The following TMEM167A variants were observed in gnomAD, a reference collection of about 807,000 sequenced individuals.
The protein encoded by TMEM167A is transmembrane protein 167A.
A neutral mutation model predicts 11.6 loss-of-function variants in TMEM167A; 8 were observed. The ratio of observed to expected loss-of-function variants is 0.69; its 90% confidence interval spans 0.40 to 1.24. The LOEUF (loss-of-function observed/expected upper bound fraction) is 1.24. Among genes scored for constraint, TMEM167A ranks in the 50% most tolerant of loss-of-function variants. The probability of loss-of-function intolerance (pLI) is 0.01; values close to 1 mark genes in which losing one functional copy is unlikely to be tolerated. For missense variants in TMEM167A, 62 were observed against 87.0 expected, an observed-to-expected ratio of 0.71 and a Z score of 1.14; for synonymous variants, 22 against 28.0, an observed-to-expected ratio of 0.79 and a Z score of 0.67.
Position 83,054,945 on chromosome 5 carries a change from G to A in TMEM167A, c.*2139C>T, listed in dbSNP as rs959202270. 1.3e-5 allele frequency: 2 copies of A among 151,800 alleles called. No homozygotes were observed. Among genetic ancestry groups the A allele is most frequent in the Non-Finnish European group, 2.9e-5 (2 of 67,886 alleles). 9.4% of individuals were successfully genotyped at this position (151,800 alleles called of 1,614,324 possible). ...AAGAGAAATATCTCAATATTCTGTG[G>A]GCTTAAAACCACCTACACTGCCCCT... is the stretch of plus-strand genomic sequence containing the variant. On this transcript the variant is annotated 3_prime_UTR_variant, in exon 4 of 4. Transcript: ENST00000502346.
At position 83,054,603 on chromosome 5, in the gene TMEM167A, T is replaced by C. The variant is rs953703087; in HGVS notation, c.*2481A>G. 2 of 151,860 alleles carry C rather than the reference T, an allele frequency of 1.3e-5. No individual in the cohort carries two copies. The highest frequency in any genetic ancestry group is 4.8e-5 in the African/African-American group (2 of 41,356). The allele number at this position is 151,860 out of a possible 1,614,324, so 9.4% of individuals were successfully genotyped here. A position where few individuals can be genotyped will look rare whatever the true frequency, so the allele number is the denominator to read the frequency against. On this transcript the variant is annotated 3_prime_UTR_variant, in exon 4 of 4. Coordinates refer to ENST00000502346, the MANE Select transcript of TMEM167A (RefSeq NM_174909.5). ...AACACAGAACAGAAAACCAAATACA[T>C]GTTCTCATTTAGAAGTAGGAGCTAA... is the stretch of plus-strand genomic sequence containing the variant.
intron 3 of TMEM167A, among the ~76,000 whole-genome samples, chr5:83,059,166 C>CAAAA (rs369393831): frequency 1.7e-5 from 2 of 118,366 alleles, no homozygotes; most frequent in African/African-American, 5.7e-5. Context: ...AAATAACAAG[C>CAAAA]AAAAAAAAAA....
intron 2 of TMEM167A, among the ~76,000 whole-genome samples, chr5:83,062,850 C>CTTTT (rs76736747): frequency 0.028 from 3,928 of 139,072 alleles, 173 homozygotes; most frequent in African/African-American, 0.097. Flanking sequence ...TTATAGTATA[C>CTTTT]TTTTTTTTTT....
At chr5:83,076,991 A>G (rs2112255966) in intron 1 of TMEM167A, among the ~76,000 whole-genome samples, 1 of 152,364 alleles carries the variant, frequency 6.6e-6, no homozygotes, top group East Asian at 1.9e-4. Context: ...GCAACAAAAC[A>G]AGCGGAAACT....
chr5:83,057,555 A>G (rs972684019), intron 3 of TMEM167A, among the ~76,000 whole-genome samples: 1 of 152,068 alleles, frequency 6.6e-6, no homozygotes, highest in Non-Finnish European at 1.5e-5. Flanking sequence ...ATCCATAAAA[A>G]GACACAACAG....
chr5:83,077,115 G>T (rs1421951406), intron 1 of TMEM167A, among the ~76,000 whole-genome samples: 1 of 152,168 alleles, frequency 6.6e-6, no homozygotes, highest in East Asian at 1.9e-4. Context: ...AGCGGACTTT[G>T]CATGAGGGGC....
At chr5:83,075,311 T>A (rs922528906) in intron 1 of TMEM167A, among the ~76,000 whole-genome samples, 1 of 152,096 alleles carries the variant, frequency 6.6e-6, no homozygotes, top group African/African-American at 2.4e-5. Flanking sequence ...GAGAGAAATG[T>A]TGAAGGATGT....
intron 1 of TMEM167A, among the ~76,000 whole-genome samples, chr5:83,075,834 C>T (rs1467765199): frequency 6.6e-6 from 1 of 152,060 alleles, no homozygotes; most frequent in Non-Finnish European, 1.5e-5. Flanking sequence ...AGTTTAGATG[C>T]GAACTCAAAG....
chr5:83,066,494 G>A (rs547586543), intron 1 of TMEM167A, among the ~76,000 whole-genome samples: 1 of 152,132 alleles, frequency 6.6e-6, no homozygotes, highest in South Asian at 2.1e-4. Flanking sequence ...TTATCATTCA[G>A]GAGAAAGACA....
intron 1 of TMEM167A, among the ~76,000 whole-genome samples, chr5:83,066,094 CTG>C (rs773080633): frequency 6.6e-6 from 1 of 151,970 alleles, no homozygotes; most frequent in Non-Finnish European, 1.5e-5. Context: ...AATCATATGC[CTG>C]TCTCACACTA....
intron 1 of TMEM167A, among the ~76,000 whole-genome samples, chr5:83,070,270 C>T (rs560869598): frequency 4.6e-5 from 7 of 152,274 alleles, no homozygotes; most frequent in Non-Finnish European, 7.4e-5. Context: ...AGACTGAGTA[C>T]GCAGGTTATC....
At chr5:83,067,750 C>T (rs1184849833) in intron 1 of TMEM167A, among the ~76,000 whole-genome samples, 2 of 151,872 alleles carry the variant, frequency 1.3e-5, no homozygotes, top group Admixed American at 6.6e-5. Flanking sequence ...TGATCTCAAG[C>T]GATCTGCCCA....
At chr5:83,060,104 G>A (rs1236839621) in intron 3 of TMEM167A, among the ~76,000 whole-genome samples, 1 of 58,144 alleles carries the variant, frequency 1.7e-5, no homozygotes, top group Non-Finnish European at 3.7e-5. Flanking sequence ...CATGAAGTTT[G>A]TTTCCTTTAT....
chr5:83,059,738 GC>G (rs1244198517), intron 3 of TMEM167A, among the ~76,000 whole-genome samples: 3 of 152,030 alleles, frequency 2.0e-5, no homozygotes, highest in Non-Finnish European at 2.9e-5. Context: ...ATCTAGAGCA[GC>G]CCTTCTCACT....
intron 3 of TMEM167A, among the ~76,000 whole-genome samples, chr5:83,060,699 T>G (rs1024914311): frequency 2.0e-5 from 3 of 151,560 alleles, no homozygotes; most frequent in Non-Finnish European, 2.9e-5. Context: ...GGCGTGGTGG[T>G]GGGTGCCTGT....
intron 1 of TMEM167A, among the ~76,000 whole-genome samples, chr5:83,076,415 T>C (rs1744663428): frequency 6.6e-6 from 1 of 152,248 alleles, no homozygotes; most frequent in South Asian, 2.1e-4. Context: ...ATCTTTGACT[T>C]GCACTACGAG....
chr5:83,062,040 A>G, intron 2 of TMEM167A, 129 bp from the exon 3 acceptor site: 1 of 715,238 alleles, frequency 1.4e-6, no homozygotes, highest in South Asian at 1.9e-5. Context: ...TTCAAATTTG[A>G]AATCTCCTTA....
intron 1 of TMEM167A, among the ~76,000 whole-genome samples, chr5:83,073,723 G>C (rs919161726): frequency 1.3e-5 from 2 of 152,206 alleles, no homozygotes; most frequent in African/African-American, 4.8e-5. Context: ...GCAGACATGG[G>C]AAGAACAGAC....
intron 1 of TMEM167A, among the ~76,000 whole-genome samples, chr5:83,073,223 C>T (rs1744589508): frequency 1.3e-5 from 2 of 152,164 alleles, no homozygotes; most frequent in Non-Finnish European, 2.9e-5. Context: ...AATAATACGA[C>T]TTTAATAAAA....
Sources: gnomAD v4.1 joint callset for allele counts (sites outside exome capture counted in the v4.1 genomes callset) on GRCh38, gnomAD v4.1.1 for gene constraint, MANE v1.5 for transcripts, NCBI Gene and HGNC (gene_info 2026-07-23, HGNC 2026-07-21) for gene names.